PRELID2: variants seen among roughly 807,000 people sequenced by gnomAD.
PRELID2 encodes PRELI domain-containing protein 2.
In PRELID2, 25 loss-of-function variants were observed where a neutral mutation model predicts 28.4. That is an observed-to-expected ratio of 0.88 (90% CI 0.64 to 1.23). The LOEUF (loss-of-function observed/expected upper bound fraction) is 1.23, where lower values mean the gene tolerates loss of function less well. Ranked by LOEUF, PRELID2 falls within the 50% of genes most tolerant of loss-of-function variation. The pLI is 0.00. For missense variants in PRELID2, 201 were observed against 214.4 expected (o/e 0.94, Z 0.39); for synonymous variants, 76 against 71.6 (o/e 1.06, Z -0.31).
At chr5:145,252,094 C>A in the PRELID2 span, among the ~76,000 whole-genome samples, 3 of 152,138 alleles carry the variant, frequency 2.0e-5, no homozygotes, top group African/African-American at 7.2e-5. Context: ...GTTTGTTACT[C>A]AAAATCTGGC....
chr5:145,603,264 A>G (rs139471008), intron 1 of PRELID2, among the ~76,000 whole-genome samples: 210 of 152,010 alleles, frequency 1.4e-3, no homozygotes, highest in African/African-American at 5.1e-3. Flanking sequence ...AATAAAAAGA[A>G]AAGGACATAA....
intron 1 of PRELID2, among the ~76,000 whole-genome samples, chr5:145,623,291 T>C (rs576844019): frequency 9.2e-5 from 14 of 151,482 alleles, no homozygotes; most frequent in Admixed American, 2.0e-4. Flanking sequence ...CTACTAAAAA[T>C]ACAAAAATTA....
the PRELID2 span, among the ~76,000 whole-genome samples, chr5:145,297,780 A>G: frequency 0.012 from 1,825 of 152,226 alleles, 24 homozygotes; most frequent in African/African-American, 0.041. Context: ...GTCTCAGGAT[A>G]CAAAATCAAG....
chr5:145,476,012 T>C (rs1051433562), intron 1 of PRELID2, among the ~76,000 whole-genome samples: 20 of 152,334 alleles, frequency 1.3e-4, no homozygotes, highest in African/African-American at 4.8e-4. Context: ...TGCTTATGGA[T>C]TGTTTTCCTA....
chr5:145,437,773 C>G, the PRELID2 span, among the ~76,000 whole-genome samples: 79 of 152,196 alleles, frequency 5.2e-4, no homozygotes, highest in African/African-American at 1.8e-3. Flanking sequence ...GAGATAAGAA[C>G]CTAATAATCT....
At chr5:145,802,488 G>A (rs1446578473) in intron 4 of PRELID2, among the ~76,000 whole-genome samples, 2 of 152,182 alleles carry the variant, frequency 1.3e-5, no homozygotes, top group East Asian at 3.8e-4. Flanking sequence ...GAGATGGAGG[G>A]AGTATAGGGA....
chr5:145,262,179 C>A, the PRELID2 span, among the ~76,000 whole-genome samples: 6 of 151,760 alleles, frequency 4.0e-5, no homozygotes, highest in Non-Finnish European at 8.8e-5. Context: ...ATGAACAAAG[C>A]CTCTAAGAAA....
chr5:145,695,851 A>G (rs904284261), intron 1 of PRELID2, among the ~76,000 whole-genome samples: 1 of 152,142 alleles, frequency 6.6e-6, no homozygotes, highest in African/African-American at 2.4e-5. Flanking sequence ...CACTTCTACC[A>G]TAGTCAACTG....
chr5:145,555,402 T>C (rs1051914193), intron 1 of PRELID2, among the ~76,000 whole-genome samples: 5 of 152,236 alleles, frequency 3.3e-5, no homozygotes, highest in African/African-American at 1.2e-4. Context: ...AGAGTACTTA[T>C]TGAGCATCTA....
chr5:145,550,184 T>C (rs1580974899), intron 1 of PRELID2, among the ~76,000 whole-genome samples: 1 of 152,206 alleles, frequency 6.6e-6, no homozygotes, highest in East Asian at 1.9e-4. Context: ...CCCTGTGGTA[T>C]GAACTAGACC....
At chr5:145,324,915 T>C in the PRELID2 span, among the ~76,000 whole-genome samples, 1 of 152,116 alleles carries the variant, frequency 6.6e-6, no homozygotes, top group Non-Finnish European at 1.5e-5. Context: ...AAAGTATTTG[T>C]AGGTTCTGTT....
chr5:145,234,519 A>T, the PRELID2 span, among the ~76,000 whole-genome samples: 1 of 152,084 alleles, frequency 6.6e-6, no homozygotes, highest in Non-Finnish European at 1.5e-5. Flanking sequence ...GCGGTAAAAA[A>T]TGTTGCATTC....
At chr5:145,534,236 ATTT>A (rs1169441443) in intron 1 of PRELID2, among the ~76,000 whole-genome samples, 2 of 152,000 alleles carry the variant, frequency 1.3e-5, no homozygotes, top group African/African-American at 4.8e-5. Context: ...ACAGGCAAGC[ATTT>A]TTTATATTGT....
At chr5:145,358,407 G>A in the PRELID2 span, among the ~76,000 whole-genome samples, 1 of 151,950 alleles carries the variant, frequency 6.6e-6, no homozygotes, top group Non-Finnish European at 1.5e-5. Flanking sequence ...GCCAGCAGTG[G>A]GGGTGGCTGG....
intron 1 of PRELID2, among the ~76,000 whole-genome samples, chr5:145,558,233 T>C (rs1359293703): frequency 6.6e-6 from 1 of 152,204 alleles, no homozygotes; most frequent in Non-Finnish European, 1.5e-5. Context: ...AAGTCATTAG[T>C]ACAGAACTAA....
chr5:145,647,560 A>G (rs963120587), intron 1 of PRELID2, among the ~76,000 whole-genome samples: 4 of 152,164 alleles, frequency 2.6e-5, no homozygotes, highest in African/African-American at 9.7e-5. Context: ...TCCAGGTGCC[A>G]CTGGCATATG....
chr5:145,781,967 G>A (rs570270367), intron 5 of PRELID2, among the ~76,000 whole-genome samples: 13 of 151,986 alleles, frequency 8.6e-5, no homozygotes, highest in Admixed American at 7.9e-4. Flanking sequence ...AAAAGAGTGA[G>A]AGAAGAGGTT....
At chr5:145,286,022 A>G in the PRELID2 span, among the ~76,000 whole-genome samples, 3 of 152,294 alleles carry the variant, frequency 2.0e-5, no homozygotes, top group South Asian at 6.2e-4. Context: ...CAGCAAAACC[A>G]GTTAGCCATT....
At chr5:145,281,943 G>T in the PRELID2 span, among the ~76,000 whole-genome samples, 525 of 152,216 alleles carry the variant, frequency 3.4e-3, 1 homozygote, top group African/African-American at 0.012. Flanking sequence ...AGGAAATAAT[G>T]ATATCTACCT....
Sources: allele counts gnomAD v4.1 joint callset (sites outside exome capture counted in the v4.1 genomes callset), GRCh38; gene constraint gnomAD v4.1.1; transcripts MANE v1.5; gene names NCBI Gene and HGNC (gene_info 2026-07-23, HGNC 2026-07-21).